The following GCN1 variants were observed in gnomAD, a reference collection of about 807,000 sequenced individuals.
The protein encoded by GCN1 is stalled ribosome sensor GCN1.
In GCN1, 90 loss-of-function variants were observed where a neutral mutation model predicts 288.4. The observed-to-expected ratio is 0.31, with a 90% CI of 0.26 to 0.37. The LOEUF (loss-of-function observed/expected upper bound fraction) is 0.37, where lower values mean the gene tolerates loss of function less well. Among genes scored for constraint, GCN1 ranks in the 10% least tolerant of loss-of-function variants. The pLI is 1.00. For missense variants in GCN1, 2,586 were observed against 3,419.9 expected (o/e 0.76, Z 6.08); for synonymous variants, 1,386 against 1,420.2 (o/e 0.98, Z 0.54).
rs886259998 is a variant in GCN1, at chr12:120,161,732, A to C, written c.2342+148T>G. On this transcript the variant is annotated intron_variant, in intron 21 of 57. Transcript: ENST00000300648. ...GACACACTTAAATACCCAGGACCTA[A>C]GCACCGTGCCGGGGACACAACAGGC... 8.6e-6 allele frequency: 8 copies of C among 925,548 alleles called. No homozygotes were observed. The African/African-American group carries it at 1.1e-4, about 13-fold the overall frequency. 57.3% of individuals were successfully genotyped at this position (925,548 alleles called of 1,614,324 possible). A position where few individuals can be genotyped will look rare whatever the true frequency, so the allele number is the denominator to read the frequency against.
chr12:120,159,755 G>A (rs893347710), intron 24 of GCN1, 70 bp downstream of exon 24: 1 of 1,373,700 alleles, frequency 7.3e-7, no homozygotes, highest in East Asian at 2.3e-5. Flanking sequence ...CAAGCACTCA[G>A]GGGCACACCC....
At chr12:120,194,629 C>A (rs1350557741) in intron 1 of GCN1, 51 bp downstream of exon 1, 20 of 1,498,338 alleles carry the variant, frequency 1.3e-5, no homozygotes, top group Non-Finnish European at 1.7e-5. Flanking sequence ...CCGACGGCCA[C>A]CGTCCGCACC....
chr12:120,178,726 T>C lies in GCN1; in HGVS notation c.559A>G (p.Ile187Val), dbSNP rs760378080. The change falls in exon 7 of 58, where the codon ATT becomes GTT. Residue 187 changes from isoleucine (I) to valine (V), a missense_variant. Physicochemically the swap from Ile to Val is conservative, Grantham distance 29 (BLOSUM62 3). Around this residue, in one of 8 missense-constraint regions of GCN1, gnomAD observed 913 missense variants for 1,107.0 expected, o/e 0.82. Transcript: ENST00000300648. ...TTCTGGTTGGGCTCTAGGCTGAGAA[T>C]GGCTGACAAGTACTGTTCCACCAGC... The part of the protein sequence containing the change: ...PGLVEQYLSA[I>V]LSLEPNQNYA... The C allele has an allele frequency of 8.1e-6, 13 of 1,614,100 alleles. No homozygotes were observed. Among genetic ancestry groups the C allele is most frequent in the South Asian group, 1.1e-5 (1 of 91,094 alleles).
Position 120,175,857 on chromosome 12 carries a change from T to C in GCN1, c.931A>G (p.Ser311Gly), listed in dbSNP as rs780190107. Reference protein sequence around the residue: ...KGLAGHLKSNSPRLMDEAVLA... With the variant: ...KGLAGHLKSNGPRLMDEAVLA... ...ACAGCTTCATCCATCAGGCGGGGAC[T>C]GTTGGATTTCAGGTGACCTGCACAC... is the stretch of plus-strand genomic sequence containing the variant. The change falls in exon 11 of 58, where the codon AGT becomes GGT. Residue 311 changes from serine to glycine, a missense_variant. Physicochemically the swap from Ser to Gly is moderately conservative, Grantham distance 56. Transcript: ENST00000300648. The C allele has an allele frequency of 6.8e-6, 11 of 1,609,566 alleles. No individual in the cohort carries two copies. The highest frequency in any genetic ancestry group is 9.3e-6 in the Non-Finnish European group (11 of 1,178,648).
rs778247483 is a variant in GCN1 at position 120,134,492 on chromosome 12, G to A, written c.7202+41C>T. 6.9e-6 allele frequency: 11 copies of A among 1,602,508 alleles called. No individual in the cohort carries two copies. The highest frequency in any genetic ancestry group is 9.4e-6 in the Non-Finnish European group (11 of 1,170,320). ...GCAGGCTCGGCCCACAGCAACCCCT[G>A]GCCTCCTGGAGGCCACAGTGCTCCC... On this transcript the variant is annotated intron_variant, in intron 52 of 57. Coordinates refer to ENST00000300648, the MANE Select transcript of GCN1 (RefSeq NM_006836.2). The surrounding 1 kb of genome is among the most constrained non-coding windows in gnomAD (Gnocchi z 5.0).
chr12:120,131,328 C>T lies in GCN1; in HGVS notation c.7420G>A (p.Val2474Met), dbSNP rs138151883. 4.8e-4 allele frequency: 775 copies of T among 1,613,866 alleles called. 5 individuals are homozygous for T. In the East Asian group the frequency reaches 5.8e-3, roughly 12 times the overall value. ...AVLQQCLLAD[V>M]SGIDWMVRHG... ...CGAACCATCCAGTCAATGCCGGACA[C>T]GTCCGCTGGGTGGAAGGACACGACT... is the stretch of plus-strand genomic sequence containing the variant. The change falls in exon 55 of 58, where the codon GTG (valine) becomes ATG (methionine). Residue 2474 changes from valine to methionine, a missense_variant. Around this residue, in one of 8 missense-constraint regions of GCN1, gnomAD observed 355 missense variants for 431.1 expected, o/e 0.82. Transcript: ENST00000300648.
At chr12:120,167,764 G>A (rs1352666014) in intron 16 of GCN1, among the ~76,000 whole-genome samples, 1 of 151,882 alleles carries the variant, frequency 6.6e-6, no homozygotes, top group Non-Finnish European at 1.5e-5. Flanking sequence ...CCAATTAGTG[G>A]CAGACACTCC....
Position 120,134,600 on chromosome 12 carries a change from T to C in GCN1, c.7135A>G (p.Ile2379Val), listed in dbSNP as rs373791193. 4 of 1,613,922 alleles carry C rather than the reference T, an allele frequency of 2.5e-6. No homozygotes were observed. Among genetic ancestry groups the C allele is most frequent in the African/African-American group, 2.7e-5 (2 of 74,924 alleles). Residue 2379 changes from isoleucine (I) to valine (V), a missense_variant, in exon 52 of 58, where the codon ATT becomes GTT. Transcript: ENST00000300648. The surrounding 1 kb of genome is among the most constrained non-coding windows in gnomAD (Gnocchi z 5.0). ...DALGKLISIHIKVDPLFTELL... is the reference protein window; with the variant it reads ...DALGKLISIHVKVDPLFTELL... ...TCTGTGAAGAGGGGGTCCACCTTAATGTGGATGGAAATGAGCTTCCCCAGA... is the reference window on the plus strand; with the variant it reads ...TCTGTGAAGAGGGGGTCCACCTTAACGTGGATGGAAATGAGCTTCCCCAGA...
At chr12:120,169,252 G>A (rs1246022858) in intron 15 of GCN1, among the ~76,000 whole-genome samples, 1 of 131,918 alleles carries the variant, frequency 7.6e-6, no homozygotes, top group Non-Finnish European at 1.5e-5. Flanking sequence ...ACTCCAGCCT[G>A]GGCGACAGAG....
intron 56 of GCN1, among the ~76,000 whole-genome samples, chr12:120,130,370 G>A (rs7312762): frequency 0.025 from 3,861 of 152,212 alleles, 168 homozygotes; most frequent in African/African-American, 0.086. Context: ...ACAAAACTAC[G>A]GTGCCTAGAA....
intron 5 of GCN1, among the ~76,000 whole-genome samples, chr12:120,181,017 A>C (rs886206967): frequency 1.1e-4 from 16 of 152,060 alleles, no homozygotes; most frequent in African/African-American, 3.9e-4. Context: ...AAAAAGAAAA[A>C]GCAAGCAAGC....
At chr12:120,130,292 G>C (rs776824668) in intron 56 of GCN1, among the ~76,000 whole-genome samples, 2 of 152,184 alleles carry the variant, frequency 1.3e-5, no homozygotes, top group Non-Finnish European at 2.9e-5. Context: ...GAAGTGCTGG[G>C]CCAACTAGAA....
chr12:120,163,271 C>G lies in GCN1; in HGVS notation c.1849-12G>C. On this transcript the variant is annotated splice_polypyrimidine_tract_variant and intron_variant, in intron 18 of 57. Coordinates refer to ENST00000300648, the MANE Select transcript of GCN1 (RefSeq NM_006836.2). ...TCTAAGGGCAGCACCTGTGTGGAGA[C>G]ACATGAGATAATACTGCTAAGAGCC... 6.2e-7 allele frequency: 1 copy of G among 1,608,886 alleles called. No homozygotes were observed. Among genetic ancestry groups the G allele is most frequent in the African/African-American group, 1.3e-5 (1 of 74,956 alleles).
intron 22 of GCN1, 22 bp downstream of exon 22, chr12:120,161,468 G>GT (rs745488096): frequency 2.6e-6 from 4 of 1,546,510 alleles, no homozygotes; most frequent in South Asian, 1.1e-5. Flanking sequence ...GCCACCTTCC[G>GT]TAAGTGCCTC....
chr12:120,128,035 A>G (rs558845219), intron 57 of GCN1, 61 bp from the exon 58 acceptor site: 3 of 1,584,314 alleles, frequency 1.9e-6, no homozygotes, highest in African/African-American at 2.7e-5. Flanking sequence ...ACGTTCTCCA[A>G]TTGGAGAAAG....
In GCN1 at chr12:120,142,332, A is replaced by AT. The variant is rs1348233848; in HGVS notation, c.5829+174dup. Among the ~76,000 whole-genome samples the AT allele has an allele frequency of 2.0e-5, 3 of 152,212 alleles. No individual in the cohort carries two copies. The highest frequency in any genetic ancestry group is 7.2e-5 in the African/African-American group (3 of 41,446). On this transcript the variant is annotated intron_variant, in intron 44 of 57. Transcript: ENST00000300648. The surrounding 1 kb of genome is among the most constrained non-coding windows in gnomAD (Gnocchi z 4.9). ...CAGAGCAAGACTCCACCTCAAAAAA[A>AT]TAAATAAAATAAAATTAATCAAAAA...
At position 120,182,090 on chromosome 12, in the gene GCN1, A is replaced by G. The variant is rs149771625; in HGVS notation, c.426+1479T>C. On this transcript the variant is annotated intron_variant, in intron 5 of 57. Coordinates refer to ENST00000300648, the MANE Select transcript of GCN1 (RefSeq NM_006836.2). ...CTTGAGCCTGGGAGGCAGAGGTTGC[A>G]GTGAGCCGAGATTGCGCCACTGCAT... Among the ~76,000 whole-genome samples, 309 of 149,506 alleles carry G rather than the reference A, an allele frequency of 2.1e-3. 2 individuals carry two copies. The highest frequency in any genetic ancestry group is 3.5e-3 in the Middle Eastern group (1 of 288).
chr12:120,161,313 A>G (rs1877917835), intron 22 of GCN1, among the ~76,000 whole-genome samples, 177 bp downstream of exon 22: 1 of 152,170 alleles, frequency 6.6e-6, no homozygotes, highest in Admixed American at 6.5e-5. Flanking sequence ...AGAAGCTATG[A>G]AGCAAGGGTG....
At chr12:120,157,738 A>C (rs1182585801) in intron 26 of GCN1, 111 bp downstream of exon 26, 11 of 893,976 alleles carry the variant, frequency 1.2e-5, no homozygotes, top group Non-Finnish European at 1.7e-5. Flanking sequence ...TGGTATAAAC[A>C]TACACTCTCT....
Sources: gnomAD v4.1 joint callset for allele counts (sites outside exome capture counted in the v4.1 genomes callset) on GRCh38, gnomAD v4.1.1 for gene constraint, gnomAD v4.1.1 regional missense constraint, Gnocchi (gnomAD v3.1) non-coding constraint, MANE v1.5 for transcripts, NCBI Gene and HGNC (gene_info 2026-07-23, HGNC 2026-07-21) for gene names.